ZDHHC14: variants seen among roughly 807,000 people sequenced by gnomAD.
ZDHHC14 encodes the protein palmitoyltransferase ZDHHC14.
A neutral mutation model predicts 47.7 loss-of-function variants in ZDHHC14; 16 were observed. That is an observed-to-expected ratio of 0.34 (90% CI 0.23 to 0.51). The LOEUF is 0.51. Among genes scored for constraint, ZDHHC14 ranks in the 20% least tolerant of loss-of-function variants. ZDHHC14 has a pLI of 0.97. For missense variants in ZDHHC14, 515 were observed against 662.5 expected, an observed-to-expected ratio of 0.78 and a Z score of 2.44; for synonymous variants, 293 against 278.9, an observed-to-expected ratio of 1.05 and a Z score of -0.50.
chr6:157,658,406 A>C (rs1037831073), intron 8 of ZDHHC14, among the ~76,000 whole-genome samples: 2 of 152,208 alleles, frequency 1.3e-5, no homozygotes, highest in Admixed American at 6.5e-5. Context: ...GGGCAGAGAC[A>C]ACATCTCAGT....
At chr6:157,450,264 C>T (rs990265248) in intron 1 of ZDHHC14, among the ~76,000 whole-genome samples, 5 of 151,708 alleles carry the variant, frequency 3.3e-5, no homozygotes, top group Non-Finnish European at 7.4e-5. Flanking sequence ...CACGGTAACA[C>T]CTTGGGTAAA....
chr6:157,619,591 G>A (rs1192783757), intron 3 of ZDHHC14, among the ~76,000 whole-genome samples: 2 of 152,212 alleles, frequency 1.3e-5, no homozygotes, highest in South Asian at 2.1e-4. Context: ...GTGGGGAGGG[G>A]AGAGACACCT....
At chr6:157,611,292 G>A (rs570097918) in intron 3 of ZDHHC14, among the ~76,000 whole-genome samples, 2 of 152,278 alleles carry the variant, frequency 1.3e-5, no homozygotes, top group Non-Finnish European at 2.9e-5. Flanking sequence ...GAGCCCCCGC[G>A]CCTGGCCAAT....
At chr6:157,596,928 G>A (rs1179944104) in intron 3 of ZDHHC14, among the ~76,000 whole-genome samples, 1 of 152,106 alleles carries the variant, frequency 6.6e-6, no homozygotes, top group Non-Finnish European at 1.5e-5. Context: ...GAATCGCCTT[G>A]TTTCTCTGTA....
chr6:157,437,978 T>C (rs1778477220), intron 1 of ZDHHC14, among the ~76,000 whole-genome samples: 1 of 152,186 alleles, frequency 6.6e-6, no homozygotes, highest in Non-Finnish European at 1.5e-5. Context: ...GGTATAAAGC[T>C]AATTAAAAGT....
At chr6:157,614,719 C>T (rs1300004174) in intron 3 of ZDHHC14, among the ~76,000 whole-genome samples, 1 of 152,068 alleles carries the variant, frequency 6.6e-6, no homozygotes, top group Admixed American at 6.5e-5. Flanking sequence ...TCACACGGGG[C>T]CCCAGATGGA....
intron 1 of ZDHHC14, among the ~76,000 whole-genome samples, chr6:157,431,032 A>T (rs1324009949): frequency 2.0e-5 from 3 of 152,174 alleles, no homozygotes. Context: ...GTCTGTAAAT[A>T]GCAGCTGTCT....
At chr6:157,622,216 C>CAAAAAAAAAAAAAAAAAAA (rs35681787) in intron 3 of ZDHHC14, among the ~76,000 whole-genome samples, 5 of 93,892 alleles carry the variant, frequency 5.3e-5, no homozygotes, top group Non-Finnish European at 9.0e-5. Flanking sequence ...ACTAAAAATA[C>CAAAAAAAAAAAAAAAAAAA]AAAAAAAAAA....
rs11490118 is a variant in ZDHHC14, at chr6:157,582,760, C to T, written c.407-10228C>T. ...GCAGGAGTTCTCTTCATTTCCCGAA[C>T]TTGAATGTCAGCCTCTCTAGCAAGG... On this transcript the variant is annotated intron_variant, in intron 2 of 8. Transcript: ENST00000359775. The surrounding 1 kb of genome is among the most constrained non-coding windows in gnomAD (Gnocchi z 4.3). 0.9 allele frequency among the ~76,000 whole-genome samples: 137,531 copies of T among 152,222 alleles called. 62,380 individuals carry two copies. Among genetic ancestry groups the T allele is most frequent in the African/African-American group, 0.97 (40,472 of 41,538 alleles).
intron 1 of ZDHHC14, among the ~76,000 whole-genome samples, chr6:157,393,464 C>T (rs972868126): frequency 2.6e-5 from 4 of 152,128 alleles, no homozygotes; most frequent in Non-Finnish European, 2.9e-5. Flanking sequence ...GGTTTTCAGG[C>T]GTGGCTCATG....
intron 1 of ZDHHC14, among the ~76,000 whole-genome samples, chr6:157,426,541 C>T (rs376107336): frequency 4.0e-4 from 61 of 152,178 alleles, no homozygotes; most frequent in African/African-American, 1.3e-3. Flanking sequence ...GGGGGAGAAG[C>T]GCACCAGCTC....
intron 8 of ZDHHC14, among the ~76,000 whole-genome samples, chr6:157,663,307 A>G (rs1041786576): frequency 6.6e-6 from 1 of 152,158 alleles, no homozygotes; most frequent in African/African-American, 2.4e-5. Flanking sequence ...TGGGATTCAG[A>G]CTCTACTCAA....
In ZDHHC14 at chr6:157,397,079, T is replaced by A. The variant is rs187081316; in HGVS notation, c.245+14813T>A. Among the ~76,000 whole-genome samples the A allele has an allele frequency of 1.1e-4, 17 of 152,350 alleles. No individual in the cohort carries two copies. The East Asian group carries it at 3.3e-3, about 29-fold the overall frequency. On this transcript the variant is annotated intron_variant, in intron 1 of 8. Coordinates refer to ENST00000359775, the MANE Select transcript of ZDHHC14 (RefSeq NM_024630.3). Reference sequence around the variant, plus strand: ...AGATAAAGATTATTCTTGACTCTTATGTGAAATTGTTGATTTTGGAAGGTT... The same window carrying A: ...AGATAAAGATTATTCTTGACTCTTAAGTGAAATTGTTGATTTTGGAAGGTT...
At chr6:157,537,673 C>G (rs539851736) in intron 1 of ZDHHC14, among the ~76,000 whole-genome samples, 14 of 152,306 alleles carry the variant, frequency 9.2e-5, no homozygotes, top group Non-Finnish European at 1.6e-4. Context: ...GTGTTTATAT[C>G]TTTGGCAGCT....
intron 2 of ZDHHC14, among the ~76,000 whole-genome samples, chr6:157,551,920 A>T (rs986803168): frequency 1.3e-5 from 2 of 152,194 alleles, no homozygotes; most frequent in Non-Finnish European, 2.9e-5. Context: ...CAGTGTCTGT[A>T]AAATAGACCC....
chr6:157,477,277 G>A (rs1043452577), intron 1 of ZDHHC14, among the ~76,000 whole-genome samples: 1 of 152,192 alleles, frequency 6.6e-6, no homozygotes, highest in African/African-American at 2.4e-5. Context: ...CTACTCGAGA[G>A]GCAGAGGCAG....
intron 1 of ZDHHC14, among the ~76,000 whole-genome samples, chr6:157,387,266 G>C (rs1216394328): frequency 6.6e-6 from 1 of 151,658 alleles, no homozygotes; most frequent in Non-Finnish European, 1.5e-5. Context: ...GAAGTCAGTA[G>C]AACTGGGATC....
At chr6:157,467,626 T>C (rs527317487) in intron 1 of ZDHHC14, among the ~76,000 whole-genome samples, 1 of 152,000 alleles carries the variant, frequency 6.6e-6, no homozygotes, top group Non-Finnish European at 1.5e-5. Flanking sequence ...CTTGGCTCAC[T>C]GCAACCTCCA....
chr6:157,489,903 G>A (rs1396025543), intron 1 of ZDHHC14, among the ~76,000 whole-genome samples: 1 of 152,196 alleles, frequency 6.6e-6, no homozygotes, highest in Non-Finnish European at 1.5e-5. Context: ...TGGCTGCTGA[G>A]AGAAGAAAGG....
Sources: allele counts gnomAD v4.1 joint callset (sites outside exome capture counted in the v4.1 genomes callset), GRCh38; gene constraint gnomAD v4.1.1; non-coding constraint Gnocchi (gnomAD v3.1); transcripts MANE v1.5; gene names NCBI Gene and HGNC (gene_info 2026-07-23, HGNC 2026-07-21).